TXNRD3: variants seen among roughly 807,000 people sequenced by gnomAD.
TXNRD3 encodes TXNRD3 neighbor gene protein.
TXNRD3 carries 68 observed loss-of-function variants against 78.2 expected under a neutral mutation model. The ratio of observed to expected loss-of-function variants is 0.87; its 90% CI spans 0.72 to 1.06. The LOEUF is 1.06. Ranked by LOEUF, TXNRD3 falls within the 50% of genes least tolerant of loss-of-function variation. The probability of loss-of-function intolerance (pLI) is 0.00; values close to 1 mark genes in which losing one functional copy is unlikely to be tolerated. For synonymous variants in TXNRD3, 296 were observed against 300.1 expected, an observed-to-expected ratio of 0.99 and a Z score of 0.14; for missense variants, 751 against 809.5, an observed-to-expected ratio of 0.93 and a Z score of 0.88.
intron 12 of TXNRD3, among the ~76,000 whole-genome samples, chr3:126,621,232 T>C (rs929509200): frequency 2.6e-5 from 4 of 152,204 alleles, no homozygotes; most frequent in Non-Finnish European, 5.9e-5. Flanking sequence ...TTGTCGATGA[T>C]GAAATTAAGA....
intron 14 of TXNRD3, among the ~76,000 whole-genome samples, chr3:126,609,559 C>T (rs1427175652): frequency 6.6e-6 from 1 of 152,142 alleles, no homozygotes; most frequent in African/African-American, 2.4e-5. Context: ...AATTTTGACC[C>T]TAGAGCTGGA....
chr3:126,651,064 A>T (rs367967085), intron 1 of TXNRD3, among the ~76,000 whole-genome samples: 1 of 152,206 alleles, frequency 6.6e-6, no homozygotes, highest in Non-Finnish European at 1.5e-5. Flanking sequence ...TAGCAGCCCA[A>T]TGAAGAAACA....
At chr3:126,653,823 T>C (rs1253287819) in intron 1 of TXNRD3, among the ~76,000 whole-genome samples, 1 of 152,182 alleles carries the variant, frequency 6.6e-6, no homozygotes, top group Non-Finnish European at 1.5e-5. Flanking sequence ...TCCGGTACGA[T>C]TCATCCCAGG....
In TXNRD3 at chr3:126,630,847, A is replaced by G. The variant is rs1248848428; in HGVS notation, c.1062T>C (p.Ala354=). 2 of 1,535,944 alleles carry G rather than the reference A, an allele frequency of 1.3e-6. No homozygotes were observed. Among genetic ancestry groups the G allele is most frequent in the Non-Finnish European group, 1.7e-6 (2 of 1,146,898 alleles). Residue 354 remains alanine, a synonymous_variant, in exon 9 of 16, where the codon GCT becomes GCC. Coordinates refer to ENST00000524230, the MANE Select transcript of TXNRD3 (RefSeq NM_052883.3). Reference sequence around the variant, plus strand: ...TAACTGTGACATCTAGGCCAAAGCCAGCCAGAAACCCTGCACACTCCAGGG... The same window carrying G: ...TAACTGTGACATCTAGGCCAAAGCCGGCCAGAAACCCTGCACACTCCAGGG...
intron 13 of TXNRD3, among the ~76,000 whole-genome samples, chr3:126,615,030 G>A (rs560505001): frequency 1.2e-4 from 19 of 152,234 alleles, no homozygotes; most frequent in East Asian, 1.2e-3. Flanking sequence ...CTTACCACCC[G>A]TAGCCATTCC....
Position 126,647,247 on chromosome 3 carries a change from A to T in TXNRD3, c.293T>A (p.Leu98His), listed in dbSNP as rs1466723065. 3 of 1,535,362 alleles carry T rather than the reference A, an allele frequency of 2.0e-6. No individual in the cohort carries two copies. The Admixed American group carries it at 5.9e-5, about 30-fold the overall frequency. The change falls in exon 2 of 16, where the codon CTT becomes CAT. Residue 98 changes from leucine to histidine, a missense_variant. By Grantham distance (99) the Leu-to-His change is moderately conservative. Transcript: ENST00000524230. Reference sequence around the variant, plus strand: ...ACTGGTCTACTTACCAACTTGATCAAGTTCCAAGACATTACATTCGACTCC... The same window carrying T: ...ACTGGTCTACTTACCAACTTGATCATGTTCCAAGACATTACATTCGACTCC...
chr3:126,627,282 TA>T (rs1441391636), intron 10 of TXNRD3, among the ~76,000 whole-genome samples: 1 of 152,156 alleles, frequency 6.6e-6, no homozygotes, highest in Non-Finnish European at 1.5e-5. Flanking sequence ...TCAATCTGAA[TA>T]AAAGAAGTCA....
chr3:126,647,239 C>T lies in TXNRD3; in HGVS notation c.301G>A (p.Val101Ile). ...ATGTTGTAACTGGTCTACTTACCAACTTGATCAAGTTCCAAGACATTACAT... is the reference window on the plus strand; with the variant it reads ...ATGTTGTAACTGGTCTACTTACCAATTTGATCAAGTTCCAAGACATTACAT... The change falls in exon 2 of 16, where the codon GTT becomes ATT. Residue 101 changes from valine to isoleucine, a missense_variant. Val to Ile is a conservative substitution (Grantham distance 29, BLOSUM62 3). Transcript: ENST00000524230. 6.5e-7 allele frequency: 1 copy of T among 1,534,994 alleles called. No homozygotes were observed. The highest frequency in any genetic ancestry group is 1.2e-5 in the South Asian group (1 of 83,828).
In TXNRD3 at chr3:126,631,084, C is replaced by A. The variant is rs770272520; in HGVS notation, c.972-147G>T. On this transcript the variant is annotated intron_variant, in intron 8 of 15. Coordinates refer to ENST00000524230, the MANE Select transcript of TXNRD3 (RefSeq NM_052883.3). ...AGCCTTTTGAAATTTGTAATTGAGT[C>A]TGCTGTGGAGAGAATGTGGAACAAG... is the stretch of plus-strand genomic sequence containing the variant. The A allele has an allele frequency of 7.2e-6, 6 of 831,652 alleles. No homozygotes were observed. The East Asian group carries it at 1.6e-4, about 22-fold the overall frequency. 51.5% of individuals were successfully genotyped at this position (831,652 alleles called of 1,614,324 possible). A position where few individuals can be genotyped will look rare whatever the true frequency, so the allele number is the denominator to read the frequency against.
At chr3:126,638,117 G>A (rs989555725) in intron 6 of TXNRD3, among the ~76,000 whole-genome samples, 10 of 151,242 alleles carry the variant, frequency 6.6e-5, no homozygotes. Flanking sequence ...CTAATTTTTT[G>A]TATTTTTAGT....
At chr3:126,631,265 G>A (rs563669293) in intron 8 of TXNRD3, among the ~76,000 whole-genome samples, 27 of 152,130 alleles carry the variant, frequency 1.8e-4, no homozygotes, top group African/African-American at 5.3e-4. Flanking sequence ...AGAGGTGTGT[G>A]TTTGTTTACC....
Position 126,644,309 on chromosome 3 carries a change from A to C in TXNRD3, c.507T>G (p.Leu169=). ...TCTATATTCATACCTTCGCACATGAAAGGCCTCCAGAACCACCACCGATGA... is the reference window on the plus strand; with the variant it reads ...TCTATATTCATACCTTCGCACATGACAGGCCTCCAGAACCACCACCGATGA... Residue 169 remains leucine (L), a synonymous_variant, in exon 4 of 16, where the codon CTT becomes CTG. Transcript: ENST00000524230. 1 of 1,536,442 alleles carries C rather than the reference A, an allele frequency of 6.5e-7. No individual in the cohort carries two copies. The highest frequency in any genetic ancestry group is 8.7e-7 in the Non-Finnish European group (1 of 1,146,914).
At chr3:126,627,514 C>G (rs1938607715) in intron 10 of TXNRD3, among the ~76,000 whole-genome samples, 1 of 152,034 alleles carries the variant, frequency 6.6e-6, no homozygotes, top group African/African-American at 2.4e-5. Flanking sequence ...GAACTGTACA[C>G]CTAGGATCTG....
At chr3:126,643,463 C>G (rs1347324965) in intron 5 of TXNRD3, among the ~76,000 whole-genome samples, 1 of 152,112 alleles carries the variant, frequency 6.6e-6, no homozygotes, top group African/African-American at 2.4e-5. Context: ...AGCTATTGTG[C>G]AGCTAATATA....
intron 8 of TXNRD3, 105 bp from the exon 9 acceptor site, chr3:126,631,042 T>G: frequency 1.7e-6 from 2 of 1,152,702 alleles, no homozygotes; most frequent in Non-Finnish European, 2.4e-6. Context: ...TATAATTTAG[T>G]GCTTGAATGA....
At chr3:126,613,628 A>C (rs1295952973) in intron 13 of TXNRD3, among the ~76,000 whole-genome samples, 5 of 152,236 alleles carry the variant, frequency 3.3e-5, no homozygotes, top group Non-Finnish European at 5.9e-5. Context: ...GTCCCATAAC[A>C]TTAAAATGGA....
In TXNRD3 at chr3:126,644,301, G is replaced by A. The variant is rs1481599991; in HGVS notation, c.515C>T (p.Ala172Val). ...GTTTCATTTCTATATTCATACCTTCGCACATGAAAGGCCTCCAGAACCACC... is the reference window on the plus strand; with the variant it reads ...GTTTCATTTCTATATTCATACCTTCACACATGAAAGGCCTCCAGAACCACC... The change falls in exon 4 of 16, where the codon GCG becomes GTG. Residue 172 changes from alanine (A) to valine (V), a missense_variant. Coordinates refer to ENST00000524230, the MANE Select transcript of TXNRD3 (RefSeq NM_052883.3). 1.9e-5 allele frequency: 29 copies of A among 1,535,170 alleles called. No individual in the cohort carries two copies. Among genetic ancestry groups the A allele is most frequent in the African/African-American group, 2.7e-5 (2 of 72,842 alleles).
intron 12 of TXNRD3, among the ~76,000 whole-genome samples, chr3:126,617,381 A>C (rs1938341373): frequency 6.6e-6 from 1 of 152,098 alleles, no homozygotes. Flanking sequence ...ATTCCTTGCA[A>C]ATTTAGCATT....
At position 126,608,605 on chromosome 3, in the gene TXNRD3, C is replaced by T; in HGVS notation, c.1757G>A (p.Gly586Glu). Residue 586 changes from glycine (G) to glutamate (E), a missense_variant, in exon 15 of 16, where the codon GGA becomes GAA. Transcript: ENST00000524230. ...TTGGGTAACCTCACCGGCGTTTGGT[C>T]CAAGAATATGAAATCCTATCACCCG... 2 of 1,535,502 alleles carry T rather than the reference C, an allele frequency of 1.3e-6. No individual in the cohort carries two copies. The highest frequency in any genetic ancestry group is 1.7e-6 in the Non-Finnish European group (2 of 1,146,714).
Sources: allele counts gnomAD v4.1 joint callset (sites outside exome capture counted in the v4.1 genomes callset), GRCh38; gene constraint gnomAD v4.1.1; transcripts MANE v1.5; gene names NCBI Gene and HGNC (gene_info 2026-07-23, HGNC 2026-07-21).